Variants in TRAF3IP1 observed in about 807,000 individuals in gnomAD.
TRAF3IP1 encodes TRAF3-interacting protein 1.
Under a neutral mutation model 89.9 loss-of-function variants are expected in TRAF3IP1, and 53 were observed. The observed-to-expected ratio is 0.59, with a 90% CI of 0.47 to 0.74. TRAF3IP1 has a LOEUF of 0.74. Among genes scored for constraint, TRAF3IP1 ranks in the 30% least tolerant of loss-of-function variants. The pLI, the probability that TRAF3IP1 is intolerant of heterozygous loss-of-function variation, is 0.00. For synonymous variants in TRAF3IP1, 311 were observed against 322.1 expected (o/e 0.97, Z 0.37); for missense variants, 806 against 866.1 (o/e 0.93, Z 0.87).
intron 15 of TRAF3IP1, among the ~76,000 whole-genome samples, chr2:238,381,126 A>ATTAG (rs1700530095): frequency 1.4e-5 from 2 of 142,618 alleles, no homozygotes; most frequent in East Asian, 2.0e-4. Flanking sequence ...TTTTTTTTTA[A>ATTAG]TTATTTATTT....
In TRAF3IP1 at chr2:238,338,468, T is replaced by C; in HGVS notation, c.1159+11T>C. ...CAACATCAGAAATAGGTAAGAAAAA[T>C]ATATTCTTTAGTTTAAATTCCTCAC... On this transcript the variant is annotated intron_variant, in intron 8 of 16. Coordinates refer to ENST00000373327, the MANE Select transcript of TRAF3IP1 (RefSeq NM_015650.4). The C allele has an allele frequency of 1.4e-6, 2 of 1,450,678 alleles. No homozygotes were observed. Among genetic ancestry groups the C allele is most frequent in the Non-Finnish European group, 1.9e-6 (2 of 1,050,948 alleles). The allele number at this position is 1,450,678 out of a possible 1,614,324, so 89.9% of individuals were successfully genotyped here. A position where few individuals can be genotyped will look rare whatever the true frequency, so the allele number is the denominator to read the frequency against.
At chr2:238,367,605 A>G (rs754674550) in intron 15 of TRAF3IP1, among the ~76,000 whole-genome samples, 4 of 152,018 alleles carry the variant, frequency 2.6e-5, no homozygotes, top group Non-Finnish European at 5.9e-5. Context: ...TCTCAGAGAG[A>G]CTGTGGGACA....
At chr2:238,382,185 A>G (rs1462505996) in intron 15 of TRAF3IP1, among the ~76,000 whole-genome samples, 2 of 152,160 alleles carry the variant, frequency 1.3e-5, no homozygotes, top group African/African-American at 2.4e-5. Flanking sequence ...TGGCATTCAT[A>G]AGGAGGATAC....
chr2:238,351,834 G>GGTGTGTGT lies in TRAF3IP1; in HGVS notation c.1452-967_1452-960dup, dbSNP rs10527993. Among the ~76,000 whole-genome samples the GGTGTGTGT allele has an allele frequency of 3.0e-3, 425 of 140,948 alleles. 3 individuals are homozygous for GGTGTGTGT. The highest frequency in any genetic ancestry group is 9.4e-3 in the African/African-American group (359 of 38,006). 92.5% of individuals were successfully genotyped at this position (140,948 alleles called of 152,430 possible). A position where few individuals can be genotyped will look rare whatever the true frequency, so the allele number is the denominator to read the frequency against. On this transcript the variant is annotated intron_variant, in intron 12 of 16. Coordinates refer to ENST00000373327, the MANE Select transcript of TRAF3IP1 (RefSeq NM_015650.4). This position sits in a 1 kb window ranked among gnomAD's most constrained non-coding sequence, Gnocchi z 5.2. Reference sequence around the variant, plus strand: ...TGGCACTGAAGCAAGGGAGGATTTTGGTGTGTGTGTGTGTGTGTGTGTGTG... The same window carrying GGTGTGTGT: ...TGGCACTGAAGCAAGGGAGGATTTTGGTGTGTGTGTGTGTGTGTGTGTGTGTGTGTGTG...
At chr2:238,366,414 A>G (rs1699877483) in intron 15 of TRAF3IP1, among the ~76,000 whole-genome samples, 1 of 152,190 alleles carries the variant, frequency 6.6e-6, no homozygotes, top group Non-Finnish European at 1.5e-5. Flanking sequence ...AAAGTTCATG[A>G]TAAGGATAAA....
intron 15 of TRAF3IP1, among the ~76,000 whole-genome samples, chr2:238,380,525 C>T (rs1362386921): frequency 1.3e-5 from 2 of 152,176 alleles, no homozygotes; most frequent in Non-Finnish European, 2.9e-5. Context: ...TGCACTGCTG[C>T]CCGACCCAGT....
intron 7 of TRAF3IP1, among the ~76,000 whole-genome samples, chr2:238,336,955 G>A (rs1698415720): frequency 1.3e-5 from 2 of 151,956 alleles, no homozygotes; most frequent in South Asian, 2.1e-4. Flanking sequence ...ACATGTGGAA[G>A]TCTGTGGGGG....
intron 6 of TRAF3IP1, 69 bp downstream of exon 6, chr2:238,332,964 G>T: frequency 1.7e-6 from 2 of 1,193,708 alleles, no homozygotes; most frequent in Non-Finnish European, 2.5e-6. Flanking sequence ...AATGCTGTGC[G>T]CTCCCCGGGT....
intron 9 of TRAF3IP1, among the ~76,000 whole-genome samples, chr2:238,344,991 T>A (rs926881067): frequency 2.0e-5 from 3 of 152,248 alleles, no homozygotes; most frequent in Non-Finnish European, 4.4e-5. Flanking sequence ...TTTCTTTGAG[T>A]GTTGAATTAT....
intron 15 of TRAF3IP1, among the ~76,000 whole-genome samples, chr2:238,357,498 C>T (rs929965275): frequency 8.5e-5 from 13 of 152,312 alleles, no homozygotes; most frequent in African/African-American, 2.6e-4. Context: ...TGTCACAAAG[C>T]TAGGGCCTGA....
chr2:238,336,355 C>T (rs566553565), intron 7 of TRAF3IP1, among the ~76,000 whole-genome samples: 1 of 152,294 alleles, frequency 6.6e-6, no homozygotes, highest in South Asian at 2.1e-4. Flanking sequence ...GGGCACTGAC[C>T]TCCCTGTGGG....
At position 238,339,490 on chromosome 2, in the gene TRAF3IP1, T is replaced by A. The variant is rs191391695; in HGVS notation, c.1159+1033T>A. Among the ~76,000 whole-genome samples, 8 of 152,370 alleles carry A rather than the reference T, an allele frequency of 5.3e-5. No homozygotes were observed. The East Asian group carries it at 1.3e-3, about 26-fold the overall frequency. On this transcript the variant is annotated intron_variant, in intron 8 of 16. Coordinates refer to ENST00000373327, the MANE Select transcript of TRAF3IP1 (RefSeq NM_015650.4). The stretch of plus-strand genomic sequence containing the variant: ...ACCCAGGCACACTGCAATCCTGCAC[T>A]GCAGGAGAGGGCAGCAGGCAGTGGC...
chr2:238,325,157 G>A, intron 1 of TRAF3IP1, 149 bp from the exon 2 acceptor site: 2 of 763,484 alleles, frequency 2.6e-6, no homozygotes, highest in East Asian at 2.6e-5. Context: ...CACAGCACGT[G>A]TAGTAGACAT....
At chr2:238,352,709 T>G (rs1469619765) in intron 12 of TRAF3IP1, 118 bp from the exon 13 acceptor site, 1 of 1,011,886 alleles carries the variant, frequency 9.9e-7, no homozygotes, top group Non-Finnish European at 1.4e-6. Context: ...TGAGATGCTG[T>G]TCTAGCTAGA....
In TRAF3IP1 at chr2:238,356,045, G is replaced by C; in HGVS notation, c.1654G>C (p.Glu552Gln). ...AATTTTGGAGACGAAGAAAGATTAT[G>C]AGAAATTGCAGCAGTCACCCAAACC... ...KKILETKKDYEKLQQSPKPGE... is the reference protein window; with the variant it reads ...KKILETKKDYQKLQQSPKPGE... The change falls in exon 15 of 17, where the codon GAG becomes CAG. Residue 552 changes from glutamate to glutamine, a missense_variant. Around this residue, in one of 3 missense-constraint regions of TRAF3IP1, gnomAD observed 732 missense variants for 780.5 expected, o/e 0.94. Coordinates refer to ENST00000373327, the MANE Select transcript of TRAF3IP1 (RefSeq NM_015650.4). The C allele has an allele frequency of 6.2e-7, 1 of 1,613,854 alleles. No homozygotes were observed.
chr2:238,328,863 A>G (rs374358971), intron 4 of TRAF3IP1, 34 bp downstream of exon 4: 243 of 1,602,054 alleles, frequency 1.5e-4, no homozygotes, highest in Non-Finnish European at 1.9e-4. Context: ...TGAAAATGAA[A>G]TAGTGAGTCT....
At chr2:238,355,948 T>C in intron 14 of TRAF3IP1, 56 bp from the exon 15 acceptor site, 1 of 1,335,870 alleles carries the variant, frequency 7.5e-7, no homozygotes, top group South Asian at 1.2e-5. Flanking sequence ...CCATTTAGAA[T>C]AGGTTTTTGG....
In TRAF3IP1 at chr2:238,320,916, G is replaced by C. The variant is rs554275508; in HGVS notation, c.123+131G>C. 361 of 789,420 alleles carry C rather than the reference G, an allele frequency of 4.6e-4. 3 individuals are homozygous for C. In the African/African-American group the frequency reaches 6.1e-3, roughly 13 times the overall value. The allele number at this position is 789,420 out of a possible 1,614,324, so 48.9% of individuals were successfully genotyped here. ...CAGGTGCGGGTCGGGGGCCGGGGCT[G>C]GGCCGGAGTCGGGGCCCGGGCCGGG... On this transcript the variant is annotated intron_variant, in intron 1 of 16. Coordinates refer to ENST00000373327, the MANE Select transcript of TRAF3IP1 (RefSeq NM_015650.4).
intron 15 of TRAF3IP1, among the ~76,000 whole-genome samples, chr2:238,393,559 C>T (rs995898566): frequency 6.6e-6 from 1 of 152,152 alleles, no homozygotes; most frequent in Non-Finnish European, 1.5e-5. Context: ...GTCAAGTCTT[C>T]GAACTCTTTG....
Sources: gnomAD v4.1 joint callset for allele counts (sites outside exome capture counted in the v4.1 genomes callset) on GRCh38, gnomAD v4.1.1 for gene constraint, gnomAD v4.1.1 regional missense constraint, Gnocchi (gnomAD v3.1) non-coding constraint, MANE v1.5 for transcripts, NCBI Gene and HGNC (gene_info 2026-07-23, HGNC 2026-07-21) for gene names.